The following GET4 variants were observed in gnomAD, a reference collection of about 807,000 sequenced individuals.
GET4 encodes the protein guided entry of tail-anchored proteins factor 4, also known as Golgi to ER traffic protein 4 homolog.
GET4 carries 20 observed loss-of-function variants against 40.0 expected under a neutral mutation model. That is an observed-to-expected ratio of 0.50 (90% CI 0.35 to 0.73). The LOEUF (loss-of-function observed/expected upper bound fraction) is 0.73, where lower values mean the gene tolerates loss of function less well. GET4 is among the 30% of genes least tolerant of loss of function. The probability of loss-of-function intolerance (pLI) is 0.01; values close to 1 mark genes in which losing one functional copy is unlikely to be tolerated. For missense variants in GET4, 557 were observed against 454.0 expected (o/e 1.23, Z -2.06); for synonymous variants, 280 against 194.6 (o/e 1.44, Z -3.65).
At chr7:895,062 G>A (rs1007623856) in intron 8 of GET4, among the ~76,000 whole-genome samples, 2 of 151,554 alleles carry the variant, frequency 1.3e-5, no homozygotes, top group Non-Finnish European at 2.9e-5. Flanking sequence ...AGGCCCCCGT[G>A]GCTGCTCCAT....
Position 890,323 on chromosome 7 carries a change from C to T in GET4, c.467-605C>T, listed in dbSNP as rs1467507276. Among the ~76,000 whole-genome samples, 3 of 33,220 alleles carry T rather than the reference C, an allele frequency of 9.0e-5. 1 individual carries two copies. Among genetic ancestry groups the T allele is most frequent in the African/African-American group, 4.2e-4 (3 of 7,192 alleles). The allele number at this position is 33,220 out of a possible 152,430, so 21.8% of individuals were successfully genotyped here. On this transcript the variant is annotated intron_variant, in intron 4 of 8. Coordinates refer to ENST00000265857, the MANE Select transcript of GET4 (RefSeq NM_015949.3). ...GGTCTGGGAGTGGAGGGAGCGCGAGCGGGTGTCAGGACGGGGTCTGGGAGT... is the reference window on the plus strand; with the variant it reads ...GGTCTGGGAGTGGAGGGAGCGCGAGTGGGTGTCAGGACGGGGTCTGGGAGT...
chr7:895,002 C>G (rs919034662), intron 8 of GET4, among the ~76,000 whole-genome samples: 2 of 152,124 alleles, frequency 1.3e-5, no homozygotes, highest in Non-Finnish European at 2.9e-5. Flanking sequence ...GGTGTTGGTT[C>G]TGTAGGTCCC....
chr7:890,551 C>T (rs1030205312), intron 4 of GET4, among the ~76,000 whole-genome samples: 4 of 152,010 alleles, frequency 2.6e-5, no homozygotes, highest in Non-Finnish European at 5.9e-5. Context: ...TGATCTACAT[C>T]CGAGGTGCAC....
chr7:883,565 C>G, intron 1 of GET4: 1 of 984,122 alleles, frequency 1.0e-6, no homozygotes, highest in Non-Finnish European at 1.2e-6. Context: ...CAGAGAGCAC[C>G]AGCGCTCACT....
At chr7:883,696 C>T in intron 1 of GET4, 2 of 985,928 alleles carry the variant, frequency 2.0e-6, no homozygotes, top group Non-Finnish European at 2.4e-6. Flanking sequence ...AAGGCCCGGC[C>T]ATGCCCAGCT....
intron 1 of GET4, chr7:883,558 AGAGCACCAGCGCTCACT>A (rs1368624758): frequency 2.7e-4 from 268 of 985,104 alleles, no homozygotes; most frequent in Non-Finnish European, 3.1e-4. Context: ...TGGCCGGCAG[AGAGCACCAGCGCTCACT>A]GGCTCTCAGC....
At chr7:878,187 G>A in intron 1 of GET4, 2 of 459,494 alleles carry the variant, frequency 4.4e-6, no homozygotes, top group Admixed American at 2.4e-5. Context: ...AGCTGGCTAT[G>A]CTGGGTTAAC....
chr7:885,758 T>G (rs994354403), intron 1 of GET4: 5 of 386,286 alleles, frequency 1.3e-5, no homozygotes, highest in Admixed American at 8.5e-5. Context: ...CCAGTGGCCT[T>G]TCTGGTCCCA....
chr7:883,920 A>T lies in GET4; in HGVS notation c.156-2136A>T, dbSNP rs1323512438. 5.7e-6 allele frequency: 6 copies of T among 1,055,956 alleles called. 1 individual carries two copies. Among genetic ancestry groups the T allele is most frequent in the Non-Finnish European group, 6.9e-6 (6 of 870,760 alleles). 65.4% of individuals were successfully genotyped at this position (1,055,956 alleles called of 1,614,324 possible). On this transcript the variant is annotated intron_variant, in intron 1 of 8. Coordinates refer to ENST00000265857, the MANE Select transcript of GET4 (RefSeq NM_015949.3). ...GGCCGGGGACCACTGTGTGCCCAGA[A>T]TTCTCCTCCCGTCCTTTTTCCCCTT...
intron 1 of GET4, chr7:881,985 G>C (rs1016646761): frequency 6.6e-6 from 1 of 152,238 alleles, no homozygotes; most frequent in Admixed American, 6.5e-5. Flanking sequence ...CTCCATCCAA[G>C]TTCCTGCAAA....
At chr7:886,971 T>C (rs990140955) in intron 3 of GET4, 1 of 513,582 alleles carries the variant, frequency 1.9e-6, no homozygotes. Context: ...CTTGTCGGCC[T>C]GTCCTGTCGG....
At chr7:877,077 C>T (rs750679307) in intron 1 of GET4, among the ~76,000 whole-genome samples, 14 of 151,898 alleles carry the variant, frequency 9.2e-5, no homozygotes, top group Middle Eastern at 3.4e-3. Flanking sequence ...TACTCCCAGC[C>T]TCCACCTGTT....
intron 1 of GET4, chr7:884,382 C>G: frequency 7.7e-7 from 1 of 1,298,284 alleles, no homozygotes. Context: ...GAGGCTCCTG[C>G]TGTGGTGTTG....
intron 3 of GET4, chr7:886,931 G>A (rs1420922456): frequency 1.1e-5 from 6 of 534,680 alleles, no homozygotes; most frequent in East Asian, 3.3e-5. Flanking sequence ...TGGCCTCCCC[G>A]CCAGCTGGCA....
chr7:892,572 C>A (rs1034824361), intron 6 of GET4, 154 bp downstream of exon 6: 3 of 699,712 alleles, frequency 4.3e-6, no homozygotes, highest in South Asian at 1.9e-5. Flanking sequence ...TGGGTGTAGA[C>A]GTGGCATAGG....
intron 8 of GET4, among the ~76,000 whole-genome samples, chr7:894,809 C>G (rs986009772): frequency 1.4e-4 from 21 of 152,186 alleles, no homozygotes; most frequent in Non-Finnish European, 2.5e-4. Context: ...ACTTTTGGAG[C>G]TTTGGCTTTG....
rs1004443839 is a variant in GET4 at position 895,773 on chromosome 7, G to A, written c.*351G>A. 15 of 172,838 alleles carry A rather than the reference G, an allele frequency of 8.7e-5. No individual in the cohort carries two copies. Among genetic ancestry groups the A allele is most frequent in the Admixed American group, 5.1e-4 (8 of 15,830 alleles). The allele number at this position is 172,838 out of a possible 1,614,324, so 10.7% of individuals were successfully genotyped here. ...AGGAGGCCCGTCCTCGGGGGGCTGC[G>A]CACATCACGCTCCTTGCCGGGCGTC... On this transcript the variant is annotated 3_prime_UTR_variant, in exon 9 of 9. Coordinates refer to ENST00000265857, the MANE Select transcript of GET4 (RefSeq NM_015949.3).
chr7:891,867 A>C (rs111905704), intron 5 of GET4, among the ~76,000 whole-genome samples: 1 of 152,214 alleles, frequency 6.6e-6, no homozygotes, highest in African/African-American at 2.4e-5. Flanking sequence ...CCCCTGGGGC[A>C]CTGAGCCCTC....
chr7:876,596 C>T lies in GET4; in HGVS notation c.-50C>T, dbSNP rs1426316467. 3 of 1,158,178 alleles carry T rather than the reference C, an allele frequency of 2.6e-6. No homozygotes were observed. The highest frequency in any genetic ancestry group is 8.4e-5 in the South Asian group (2 of 23,786). The allele number at this position is 1,158,178 out of a possible 1,614,324, so 71.7% of individuals were successfully genotyped here. A position where few individuals can be genotyped will look rare whatever the true frequency, so the allele number is the denominator to read the frequency against. On this transcript the variant is annotated 5_prime_UTR_variant, in exon 1 of 9. Transcript: ENST00000265857. ...CCGTCGGGACGGAAGCCGGGAGGCGCTGCCGACCGCGCCTGCGACAGCGTC... is the reference window on the plus strand; with the variant it reads ...CCGTCGGGACGGAAGCCGGGAGGCGTTGCCGACCGCGCCTGCGACAGCGTC...
Sources: allele counts gnomAD v4.1 joint callset (sites outside exome capture counted in the v4.1 genomes callset), GRCh38; gene constraint gnomAD v4.1.1; transcripts MANE v1.5; gene names NCBI Gene and HGNC (gene_info 2026-07-23, HGNC 2026-07-21).